The following PRKCH variants were observed in gnomAD, a reference collection of about 807,000 sequenced individuals.
The protein encoded by PRKCH is protein kinase C eta type.
PRKCH carries 28 observed loss-of-function variants against 82.5 expected under a neutral mutation model. The observed-to-expected ratio is 0.34, with a 90% CI of 0.25 to 0.47. The LOEUF (loss-of-function observed/expected upper bound fraction) is 0.47. Among genes scored for constraint, PRKCH ranks in the 20% least tolerant of loss-of-function variants. The pLI is 1.00. For missense variants in PRKCH, 705 were observed against 881.8 expected, an observed-to-expected ratio of 0.80 and a Z score of 2.54; for synonymous variants, 322 against 327.4, an observed-to-expected ratio of 0.98 and a Z score of 0.18.
intron 1 of PRKCH, among the ~76,000 whole-genome samples, chr14:61,188,113 T>G (rs964407590): frequency 2.0e-5 from 3 of 152,224 alleles, no homozygotes; most frequent in Admixed American, 6.5e-5. Context: ...TGCTATATAT[T>G]ATATATGTGG....
chr14:61,549,345 G>A (rs1430477915), intron 13 of PRKCH, among the ~76,000 whole-genome samples: 1 of 152,212 alleles, frequency 6.6e-6, no homozygotes, highest in East Asian at 1.9e-4. Flanking sequence ...CCTCAGCGAG[G>A]CCTGCTGTGA....
chr14:61,294,089 A>G (rs568666345), intron 1 of PRKCH, among the ~76,000 whole-genome samples: 1 of 152,052 alleles, frequency 6.6e-6, no homozygotes, highest in South Asian at 2.1e-4. Context: ...ACAGAGAGAC[A>G]CTAGTTGGAC....
At chr14:61,276,676 C>T (rs1341503106) in intron 1 of PRKCH, among the ~76,000 whole-genome samples, 7 of 127,776 alleles carry the variant, frequency 5.5e-5, no homozygotes, top group Admixed American at 1.6e-4. Flanking sequence ...TTTTTGATTA[C>T]GTGTATGCCC....
chr14:61,432,120 C>T (rs1420606368), intron 2 of PRKCH, among the ~76,000 whole-genome samples: 3 of 149,854 alleles, frequency 2.0e-5, no homozygotes, highest in African/African-American at 4.9e-5. Context: ...GTCTGTGTAA[C>T]TAAGTCTAAA....
Position 61,443,280 on chromosome 14 carries a change from T to A in PRKCH, c.578+19T>A. Reference sequence around the variant, plus strand: ...TTATCTGGTAAGGGGTTCCCTTACTTCTGTCCTCCTCAGAGCTTCCATCTA... The same window carrying A: ...TTATCTGGTAAGGGGTTCCCTTACTACTGTCCTCCTCAGAGCTTCCATCTA... On this transcript the variant is annotated intron_variant, in intron 3 of 13. Coordinates refer to ENST00000332981, the MANE Select transcript of PRKCH (RefSeq NM_006255.5). 6.2e-7 allele frequency: 1 copy of A among 1,608,654 alleles called. No individual in the cohort carries two copies. The highest frequency in any genetic ancestry group is 8.5e-7 in the Non-Finnish European group (1 of 1,176,762).
intron 2 of PRKCH, among the ~76,000 whole-genome samples, chr14:61,404,460 T>G (rs1467506907): frequency 6.7e-6 from 1 of 149,024 alleles, no homozygotes; most frequent in East Asian, 1.9e-4. Context: ...CATCCATCCA[T>G]CCATCCACCC....
intron 1 of PRKCH, among the ~76,000 whole-genome samples, chr14:61,375,448 T>C (rs983825148): frequency 6.6e-6 from 1 of 152,106 alleles, no homozygotes. Context: ...ACCAATTTTC[T>C]GTATTAGTCT....
At chr14:61,428,076 T>TAGATAGATACACAC (rs377250538) in intron 2 of PRKCH, among the ~76,000 whole-genome samples, 66 of 126,256 alleles carry the variant, frequency 5.2e-4, no homozygotes, top group African/African-American at 8.9e-4. Flanking sequence ...GATAGATAGA[T>TAGATAGATACACAC]ACACACACAC....
At position 61,391,272 on chromosome 14, in the gene PRKCH, C is replaced by T. The variant is rs375154013; in HGVS notation, c.411C>T (p.Thr137=). Residue 137 remains threonine, a synonymous_variant, in exon 2 of 14, where the codon ACC becomes ACT. Coordinates refer to ENST00000332981, the MANE Select transcript of PRKCH (RefSeq NM_006255.5). ...AAGTATTTGTGGTAATAACCCTTAC[C>T]GGGAGTTTCACTGAAGGTAAGAATG... The part of the protein sequence containing the change: ...EGKVFVVITL[T]GSFTEATLQR... 3.7e-5 allele frequency: 59 copies of T among 1,609,812 alleles called. No individual in the cohort carries two copies. Among genetic ancestry groups the T allele is most frequent in the African/African-American group, 2.4e-4 (18 of 74,664 alleles).
At chr14:61,207,274 G>C (rs772945925) in intron 1 of PRKCH, among the ~76,000 whole-genome samples, 4 of 152,084 alleles carry the variant, frequency 2.6e-5, no homozygotes, top group Non-Finnish European at 5.9e-5. Context: ...GGTCTGACTG[G>C]GTTTGCACAT....
chr14:61,246,691 C>G (rs1458354914), intron 1 of PRKCH, among the ~76,000 whole-genome samples: 1 of 152,154 alleles, frequency 6.6e-6, no homozygotes, highest in Non-Finnish European at 1.5e-5. Context: ...CTTCTCTACT[C>G]TCCTCCTTGC....
intron 1 of PRKCH, among the ~76,000 whole-genome samples, chr14:61,224,117 G>T (rs914593087): frequency 6.6e-6 from 1 of 152,126 alleles, no homozygotes; most frequent in African/African-American, 2.4e-5. Flanking sequence ...TGGGCACCCA[G>T]TCCCACTCCC....
At chr14:61,364,055 G>A (rs1175331842) in intron 1 of PRKCH, among the ~76,000 whole-genome samples, 1 of 145,782 alleles carries the variant, frequency 6.9e-6, no homozygotes, top group African/African-American at 2.5e-5. Context: ...ATATATATTT[G>A]TGTGTATATA....
intron 13 of PRKCH, among the ~76,000 whole-genome samples, chr14:61,548,112 C>T (rs2043282982): frequency 6.6e-6 from 1 of 152,246 alleles, no homozygotes; most frequent in African/African-American, 2.4e-5. Context: ...CCCTCGTTTA[C>T]CCAATCTCCA....
intron 1 of PRKCH, chr14:61,303,383 A>C (rs2045462087): frequency 1.3e-5 from 2 of 152,104 alleles, no homozygotes; most frequent in African/African-American, 4.8e-5. Context: ...TAGTCACATA[A>C]ACATTTATAT....
At chr14:61,498,554 A>AT (rs1886763632) in intron 10 of PRKCH, among the ~76,000 whole-genome samples, 1 of 152,148 alleles carries the variant, frequency 6.6e-6, no homozygotes, top group South Asian at 2.1e-4. Context: ...ACAGAAATGT[A>AT]TTTCTCACAG....
intron 1 of PRKCH, among the ~76,000 whole-genome samples, chr14:61,241,258 TG>T (rs901849575): frequency 6.6e-6 from 1 of 152,238 alleles, no homozygotes; most frequent in Non-Finnish European, 1.5e-5. Context: ...ATGTCCTCTC[TG>T]GGTGCACCAC....
chr14:61,322,713 G>A (rs533878553), intron 1 of PRKCH: 25 of 478,512 alleles, frequency 5.2e-5, no homozygotes, highest in Admixed American at 1.1e-4. Context: ...GGCCTAACGG[G>A]AAGTCGGGCA....
At chr14:61,418,496 A>G (rs1882675359) in intron 2 of PRKCH, among the ~76,000 whole-genome samples, 1 of 152,326 alleles carries the variant, frequency 6.6e-6, no homozygotes, top group Admixed American at 6.5e-5. Flanking sequence ...ACTTAGAGAG[A>G]TGTATCGTGT....
Sources: gnomAD v4.1 joint callset for allele counts (sites outside exome capture counted in the v4.1 genomes callset) on GRCh38, gnomAD v4.1.1 for gene constraint, MANE v1.5 for transcripts, NCBI Gene and HGNC (gene_info 2026-07-23, HGNC 2026-07-21) for gene names.